The following MAF variants were observed in gnomAD, a reference collection of about 807,000 sequenced individuals.
The protein encoded by MAF is MAF bZIP transcription factor, also known as transcription factor Maf.
MAF carries 10 observed loss-of-function variants against 22.0 expected under a neutral mutation model. That is an observed-to-expected ratio of 0.45 (90% CI 0.28 to 0.77). The LOEUF is 0.77. MAF is among the 30% of genes least tolerant of loss of function. The pLI, the probability that MAF is intolerant of heterozygous loss-of-function variation, is 0.12. For missense variants in MAF, 544 were observed against 548.4 expected (o/e 0.99, Z 0.08); for synonymous variants, 337 against 255.8 (o/e 1.32, Z -3.03).
At chr16:79,243,570 A>G in the MAF span, among the ~76,000 whole-genome samples, 1 of 152,024 alleles carries the variant, frequency 6.6e-6, no homozygotes. Context: ...TGATGCAGTA[A>G]TTAATAGCCT....
chr16:79,593,120 G>A (rs1597839844), downstream of MAF, among the ~76,000 whole-genome samples: 1 of 152,176 alleles, frequency 6.6e-6, no homozygotes, highest in African/African-American at 2.4e-5. Context: ...GAGAGAGAGA[G>A]AGACTTATGT....
At chr16:79,316,628 A>G in the MAF span, among the ~76,000 whole-genome samples, 1 of 152,144 alleles carries the variant, frequency 6.6e-6, no homozygotes, top group African/African-American at 2.4e-5. Flanking sequence ...ACAGCTTTCC[A>G]TCTCTTCCAG....
At chr16:79,308,056 AATG>A in the MAF span, among the ~76,000 whole-genome samples, 1 of 152,208 alleles carries the variant, frequency 6.6e-6, no homozygotes, top group Admixed American at 6.5e-5. Context: ...TTTTAATGAC[AATG>A]GTGATAATAT....
chr16:79,366,034 T>G, the MAF span, among the ~76,000 whole-genome samples: 3 of 152,246 alleles, frequency 2.0e-5, no homozygotes, highest in Admixed American at 2.0e-4. Flanking sequence ...ACTGCCTTTT[T>G]GTCTTGGTTT....
At chr16:79,266,917 T>C in the MAF span, among the ~76,000 whole-genome samples, 1 of 152,158 alleles carries the variant, frequency 6.6e-6, no homozygotes, top group Non-Finnish European at 1.5e-5. Flanking sequence ...CATGTATCTT[T>C]CCTTTGATTG....
the MAF span, among the ~76,000 whole-genome samples, chr16:79,339,755 G>T: frequency 2.6e-5 from 4 of 152,090 alleles, no homozygotes; most frequent in Non-Finnish European, 2.9e-5. Context: ...TTACACAAAA[G>T]AAACAAAGTA....
the MAF span, among the ~76,000 whole-genome samples, chr16:79,467,948 G>T: frequency 2.6e-5 from 4 of 151,920 alleles, no homozygotes; most frequent in Non-Finnish European, 5.9e-5. Flanking sequence ...GTGGGGGGGT[G>T]GTTGTGGCTT....
chr16:79,422,008 A>C, the MAF span, among the ~76,000 whole-genome samples: 1 of 151,900 alleles, frequency 6.6e-6, no homozygotes, highest in Non-Finnish European at 1.5e-5. Flanking sequence ...GAACTCCTGA[A>C]CTCAGGTGAT....
chr16:79,476,551 G>T, the MAF span, among the ~76,000 whole-genome samples: 11 of 152,186 alleles, frequency 7.2e-5, no homozygotes, highest in Admixed American at 1.3e-4. Flanking sequence ...CTCCTTTCTT[G>T]CATTGTGGTC....
chr16:79,598,579 G>GGGGT (rs745948563), intron 1 of MAF: 5 of 1,327,254 alleles, frequency 3.8e-6, no homozygotes, highest in Non-Finnish European at 4.8e-6. Context: ...AGCAGGGTGT[G>GGGGT]GGGTGTGTGT....
At chr16:79,270,519 G>A in the MAF span, among the ~76,000 whole-genome samples, 2 of 152,152 alleles carry the variant, frequency 1.3e-5, no homozygotes, top group African/African-American at 2.4e-5. Context: ...TCATCTCTCT[G>A]CTCCTCTGAT....
chr16:79,268,968 A>G, the MAF span, among the ~76,000 whole-genome samples: 1 of 152,210 alleles, frequency 6.6e-6, no homozygotes, highest in African/African-American at 2.4e-5. Flanking sequence ...TGTGAGAATT[A>G]AGAGATAAAA....
intron 1 of MAF, chr16:79,597,780 A>G: frequency 9.8e-7 from 1 of 1,020,490 alleles, no homozygotes; most frequent in Non-Finnish European, 1.2e-6. Context: ...TAATTATACC[A>G]TACATGTCCA....
the MAF span, chr16:79,212,179 C>A: frequency 6.8e-7 from 1 of 1,481,466 alleles, no homozygotes; most frequent in Non-Finnish European, 8.9e-7. Flanking sequence ...ACCACTGCAG[C>A]CGGGGGCTGG....
At chr16:79,214,703 CTTTTTTTTTTTTTTT>C in the MAF span, among the ~76,000 whole-genome samples, 1,666 of 43,102 alleles carry the variant, frequency 0.039, 49 homozygotes, top group Middle Eastern at 0.065. Flanking sequence ...CTGTGCCTGG[CTTTTTTTTTTTTTTT>C]TTTTTTTTTT....
chr16:79,269,391 A>G, the MAF span, among the ~76,000 whole-genome samples: 5 of 152,158 alleles, frequency 3.3e-5, no homozygotes, highest in Non-Finnish European at 5.9e-5. Flanking sequence ...CATGGCCGTG[A>G]AGCCCTTCTC....
the MAF span, among the ~76,000 whole-genome samples, chr16:79,435,967 C>T: frequency 1.3e-5 from 2 of 152,172 alleles, no homozygotes; most frequent in African/African-American, 2.4e-5. Context: ...AAGCCAAAAC[C>T]AAAAGCCCTG....
the MAF span, among the ~76,000 whole-genome samples, chr16:79,482,872 C>CCTCCTCTCCCTCCCTCCCT: frequency 2.5e-5 from 3 of 118,898 alleles, no homozygotes; most frequent in Non-Finnish European, 5.4e-5. Flanking sequence ...CCCTCCCTCT[C>CCTCCTCTCCCTCCCTCCCT]CTCCTCTCCC....
At chr16:79,447,905 A>AAAAAAAAAAAAG in the MAF span, among the ~76,000 whole-genome samples, 1,685 of 85,684 alleles carry the variant, frequency 0.02, 147 homozygotes, top group African/African-American at 0.035. Context: ...AAAAAAAAAA[A>AAAAAAAAAAAAG]AAAAGAAAAG....
Sources: allele counts gnomAD v4.1 joint callset (sites outside exome capture counted in the v4.1 genomes callset), GRCh38; gene constraint gnomAD v4.1.1; transcripts MANE v1.5; gene names NCBI Gene and HGNC (gene_info 2026-07-23, HGNC 2026-07-21).